Variants in RAB7A observed in about 807,000 individuals in gnomAD.
RAB7A encodes ras-related protein Rab-7a.
In RAB7A, 2 loss-of-function variants were observed where a neutral mutation model predicts 24.5. The observed-to-expected ratio is 0.08, with a 90% CI of 0.03 to 0.26. RAB7A has a LOEUF of 0.26. RAB7A is among the 10% of genes least tolerant of loss of function. The pLI, the probability that RAB7A is intolerant of heterozygous loss-of-function variation, is 1.00. For missense variants in RAB7A, 118 were observed against 255.7 expected (o/e 0.46, Z 3.67); for synonymous variants, 100 against 95.9 (o/e 1.04, Z -0.25).
chr3:128,758,545 G>A (rs1471156762), intron 1 of RAB7A, among the ~76,000 whole-genome samples: 1 of 152,074 alleles, frequency 6.6e-6, no homozygotes, highest in Non-Finnish European at 1.5e-5. Context: ...AAAGTGCTGG[G>A]AATTACAGGC....
chr3:128,742,022 T>A (rs1157355364), intron 1 of RAB7A, among the ~76,000 whole-genome samples: 2 of 152,052 alleles, frequency 1.3e-5, no homozygotes, highest in African/African-American at 4.8e-5. Context: ...ACCCTAGCGG[T>A]GAGTGTTACA....
At chr3:128,756,807 T>C (rs1014509667) in intron 1 of RAB7A, among the ~76,000 whole-genome samples, 1 of 152,044 alleles carries the variant, frequency 6.6e-6, no homozygotes, top group Non-Finnish European at 1.5e-5. Flanking sequence ...AGGTTCATAT[T>C]TGGACTGTTG....
intron 1 of RAB7A, among the ~76,000 whole-genome samples, chr3:128,732,080 G>A (rs1359689796): frequency 3.5e-5 from 5 of 141,920 alleles, no homozygotes; most frequent in Admixed American, 7.1e-5. Context: ...AAGCTCTGTC[G>A]CCAGGCTGGA....
chr3:128,814,448 G>T lies in RAB7A; in HGVS notation c.*1026G>T, dbSNP rs376185459. The T allele has an allele frequency of 6.6e-6, 1 of 152,248 alleles. No homozygotes were observed. The highest frequency in any genetic ancestry group is 1.5e-5 in the Non-Finnish European group (1 of 67,996). The allele number at this position is 152,248 out of a possible 1,614,324, so 9.4% of individuals were successfully genotyped here. ...CCCTGCTCCACACTTCAAAACTCCC[G>T]TTAGATCAGCATTCTACTACAAGAG... On this transcript the variant is annotated 3_prime_UTR_variant, in exon 6 of 6. Transcript: ENST00000265062.
At chr3:128,781,334 G>A (rs928270660) in intron 1 of RAB7A, among the ~76,000 whole-genome samples, 2 of 152,154 alleles carry the variant, frequency 1.3e-5, no homozygotes, top group Admixed American at 1.3e-4. Flanking sequence ...CTCATTTGTG[G>A]AGGATTCTCA....
chr3:128,730,429 C>T (rs1250964201), intron 1 of RAB7A, among the ~76,000 whole-genome samples: 2 of 152,074 alleles, frequency 1.3e-5, no homozygotes, highest in African/African-American at 4.8e-5. Flanking sequence ...GGGGTTTCAC[C>T]GTGTTAGCCA....
At chr3:128,808,019 C>T (rs1179118661) in intron 5 of RAB7A, among the ~76,000 whole-genome samples, 1 of 152,212 alleles carries the variant, frequency 6.6e-6, no homozygotes, top group South Asian at 2.1e-4. Context: ...GAATATGAAT[C>T]CCAGCTCTGC....
Position 128,731,171 on chromosome 3 carries a change from A to G in RAB7A, c.-9+4812A>G, listed in dbSNP as rs192820769. Among the ~76,000 whole-genome samples, 24 of 152,322 alleles carry G rather than the reference A, an allele frequency of 1.6e-4. No homozygotes were observed. In the East Asian group the frequency reaches 2.3e-3, roughly 15 times the overall value. ...TACATCATTGATTTCCAATATTGGT[A>G]TGTAAGTGTAATAAAAAGTTGGTTT... On this transcript the variant is annotated intron_variant, in intron 1 of 5. Transcript: ENST00000265062.
Position 128,792,951 on chromosome 3 carries a change from A to G in RAB7A, c.-8-2409A>G, listed in dbSNP as rs190327906. 8.4e-3 allele frequency among the ~76,000 whole-genome samples: 1,282 copies of G among 152,060 alleles called. 23 individuals carry two copies. The highest frequency in any genetic ancestry group is 0.029 in the African/African-American group (1,208 of 41,466). On this transcript the variant is annotated intron_variant, in intron 1 of 5. Transcript: ENST00000265062. ...CTGCAACCTCCGCCTCCCGGGTTCA[A>G]ACGATTCTCCTGCCTCAGCCTCCTG...
intron 1 of RAB7A, among the ~76,000 whole-genome samples, chr3:128,794,042 T>TA (rs1413953621): frequency 1.3e-5 from 2 of 152,212 alleles, no homozygotes; most frequent in Non-Finnish European, 2.9e-5. Flanking sequence ...TTTAGGACAG[T>TA]AGTCAGGTCT....
intron 1 of RAB7A, among the ~76,000 whole-genome samples, chr3:128,781,609 C>T (rs570171432): frequency 4.8e-4 from 73 of 152,110 alleles, no homozygotes; most frequent in African/African-American, 1.7e-3. Context: ...CCCCGGCGGT[C>T]GAGGCTGCAG....
chr3:128,813,200 G>A, intron 5 of RAB7A, 127 bp from the exon 6 acceptor site: 1 of 887,248 alleles, frequency 1.1e-6, no homozygotes, highest in Admixed American at 1.7e-5. Flanking sequence ...GGCAGGCTCT[G>A]CTTCACAGCT....
At chr3:128,728,423 A>C (rs2070401588) in intron 1 of RAB7A, among the ~76,000 whole-genome samples, 1 of 152,146 alleles carries the variant, frequency 6.6e-6, no homozygotes, top group Admixed American at 6.6e-5. Context: ...AACCTTCAAC[A>C]CTCAACTTGT....
At chr3:128,810,232 C>A (rs1253602548) in intron 5 of RAB7A, among the ~76,000 whole-genome samples, 1 of 151,980 alleles carries the variant, frequency 6.6e-6, no homozygotes, top group Non-Finnish European at 1.5e-5. Context: ...AGGCATGAGC[C>A]ACCGCACCCG....
At chr3:128,730,270 C>T (rs1047421756) in intron 1 of RAB7A, among the ~76,000 whole-genome samples, 1 of 151,476 alleles carries the variant, frequency 6.6e-6, no homozygotes, top group African/African-American at 2.4e-5. Context: ...TGCTTTGTAG[C>T]CCAGGCTGGA....
chr3:128,751,213 A>G (rs62272581), intron 1 of RAB7A, among the ~76,000 whole-genome samples: 7,238 of 152,250 alleles, frequency 0.048, 307 homozygotes, highest in South Asian at 0.13. Flanking sequence ...GAGACTGCCT[A>G]GTGGAGCTGT....
intron 4 of RAB7A, among the ~76,000 whole-genome samples, chr3:128,807,312 G>C (rs765579831): frequency 1.3e-5 from 2 of 152,212 alleles, no homozygotes; most frequent in South Asian, 4.1e-4. Flanking sequence ...GGTATGAGCT[G>C]TAGACCGAGA....
chr3:128,728,285 A>G (rs2070399869), intron 1 of RAB7A, among the ~76,000 whole-genome samples: 1 of 152,136 alleles, frequency 6.6e-6, no homozygotes, highest in Non-Finnish European at 1.5e-5. Context: ...TAGTAACCCA[A>G]AGGATGGTGT....
intron 1 of RAB7A, among the ~76,000 whole-genome samples, chr3:128,755,571 A>T (rs1431940500): frequency 6.6e-6 from 1 of 152,178 alleles, no homozygotes; most frequent in African/African-American, 2.4e-5. Context: ...CAAAATTGAC[A>T]ATCCCTTACC....
Sources: gnomAD v4.1 joint callset for allele counts (sites outside exome capture counted in the v4.1 genomes callset) on GRCh38, gnomAD v4.1.1 for gene constraint, MANE v1.5 for transcripts, NCBI Gene and HGNC (gene_info 2026-07-23, HGNC 2026-07-21) for gene names.